Variants in DMXL2 observed in about 807,000 individuals in gnomAD.
DMXL2 encodes the protein dmX-like protein 2.
Under a neutral mutation model 331.1 loss-of-function variants are expected in DMXL2, and 103 were observed. The observed-to-expected ratio is 0.31, with a 90% confidence interval of 0.27 to 0.37. DMXL2 has a LOEUF of 0.37. DMXL2 is among the 10% of genes least tolerant of loss of function. DMXL2 has a pLI of 1.00. For missense variants in DMXL2, 3,171 were observed against 3,642.9 expected, an observed-to-expected ratio of 0.87 and a Z score of 3.33; for synonymous variants, 1,281 against 1,252.1, an observed-to-expected ratio of 1.02 and a Z score of -0.49.
chr15:51,521,981 CCTAT>C (rs939368279), intron 13 of DMXL2, among the ~76,000 whole-genome samples: 1 of 152,100 alleles, frequency 6.6e-6, no homozygotes, highest in Non-Finnish European at 1.5e-5. Context: ...ACTATACCAC[CCTAT>C]CTTTCATCAT....
intron 29 of DMXL2, among the ~76,000 whole-genome samples, chr15:51,468,963 G>A (rs184448957): frequency 6.6e-6 from 1 of 151,718 alleles, no homozygotes; most frequent in African/African-American, 2.4e-5. Flanking sequence ...TAAAAAAAGA[G>A]AGAGAGAGAG....
At chr15:51,562,596 T>C (rs577244722) in intron 6 of DMXL2, among the ~76,000 whole-genome samples, 16 of 152,182 alleles carry the variant, frequency 1.1e-4, no homozygotes, top group African/African-American at 3.4e-4. Context: ...ACCTCCTATG[T>C]GGGATTATAC....
At chr15:51,526,673 G>T (rs1326543442) in intron 13 of DMXL2, among the ~76,000 whole-genome samples, 1 of 152,140 alleles carries the variant, frequency 6.6e-6, no homozygotes, top group African/African-American at 2.4e-5. Flanking sequence ...AACAAATTCA[G>T]AATTCTATCA....
Position 51,456,372 on chromosome 15 carries a change from T to G in DMXL2, c.8338-3A>C. 6.4e-7 allele frequency: 1 copy of G among 1,567,790 alleles called. No individual in the cohort carries two copies. The highest frequency in any genetic ancestry group is 1.2e-5 in the South Asian group (1 of 84,606). On this transcript the variant is annotated splice_polypyrimidine_tract_variant and splice_region_variant and intron_variant, in intron 37 of 43. Transcript: ENST00000560891. ...TTATGTAGATTCCTTTTCATAAGCT[T>G]TAAAAGAAAATTTTAAAAATTTTAT... is the stretch of plus-strand genomic sequence containing the variant.
At chr15:51,517,341 A>T (rs1176838506) in intron 13 of DMXL2, among the ~76,000 whole-genome samples, 174 bp from the exon 14 acceptor site, 3 of 152,228 alleles carry the variant, frequency 2.0e-5, no homozygotes, top group Non-Finnish European at 4.4e-5. Context: ...GTTAAGTCTA[A>T]AGTTAAGCAG....
rs1249285219 is a variant in DMXL2, at chr15:51,449,003, C to A, written c.9158G>T (p.Arg3053Ile). ...CAATCTTTATAGAATGTCAAGAATTCTGTTAGGGATGTTAAAAGCATTGGG... is the reference window on the plus strand; with the variant it reads ...CAATCTTTATAGAATGTCAAGAATTATGTTAGGGATGTTAAAAGCATTGGG... ...VLPNAFNIPN[R>I]ILDIL Residue 3053 changes from arginine to isoleucine, a missense_variant, in exon 44 of 44, where the codon AGA becomes ATA. Arg to Ile is a moderately conservative substitution (Grantham distance 97). This residue lies in a region of DMXL2 where 766 missense variants were observed against 940.5 expected (regional missense o/e 0.81). Transcript: ENST00000560891. 6.2e-7 allele frequency: 1 copy of A among 1,614,034 alleles called. No individual in the cohort carries two copies.
chr15:51,510,606 C>T (rs772275973), intron 15 of DMXL2, among the ~76,000 whole-genome samples: 9 of 152,104 alleles, frequency 5.9e-5, no homozygotes, highest in East Asian at 3.9e-4. Context: ...TTGTGAAAAT[C>T]GCCATACTGC....
chr15:51,487,633 T>G (rs1009521423), intron 22 of DMXL2, among the ~76,000 whole-genome samples: 1 of 152,098 alleles, frequency 6.6e-6, no homozygotes. Flanking sequence ...AATTTTTGTA[T>G]TTTTAGTAGA....
chr15:51,462,042 C>T (rs2040173792), intron 33 of DMXL2, among the ~76,000 whole-genome samples: 1 of 152,098 alleles, frequency 6.6e-6, no homozygotes, highest in Admixed American at 6.5e-5. Context: ...ATAACTAGGA[C>T]TCAAAAGGTC....
chr15:51,535,548 C>T, intron 13 of DMXL2, 115 bp downstream of exon 13: 1 of 945,498 alleles, frequency 1.1e-6, no homozygotes, highest in Non-Finnish European at 1.5e-6. Context: ...TCATATGCAG[C>T]CCAGAACATA....
rs556277000 is a variant in DMXL2 at position 51,574,762 on chromosome 15, T to C, written c.213+1294A>G. ...TTACATTAAACCATCTCAAGAAAAG[T>C]AGAAACACAAGTTGCTCTGTTTCCC... On this transcript the variant is annotated intron_variant, in intron 2 of 43. Transcript: ENST00000560891. Among the ~76,000 whole-genome samples the C allele has an allele frequency of 5.2e-4, 79 of 152,330 alleles. 1 individual carries two copies. Among genetic ancestry groups the C allele is most frequent in the Middle Eastern group, 3.4e-3 (1 of 294 alleles).
intron 6 of DMXL2, among the ~76,000 whole-genome samples, chr15:51,560,580 G>C (rs1215497259): frequency 6.9e-6 from 1 of 145,970 alleles, no homozygotes; most frequent in Non-Finnish European, 1.5e-5. Context: ...GAGGCAGGAG[G>C]ACTGCCTAAG....
At chr15:51,586,570 T>TA (rs1249166381) in intron 1 of DMXL2, among the ~76,000 whole-genome samples, 1 of 135,512 alleles carries the variant, frequency 7.4e-6, no homozygotes, top group Non-Finnish European at 1.6e-5. Context: ...TTAAAAAGAG[T>TA]AATTTAATGT....
rs767994622 is a variant in DMXL2 at position 51,547,372 on chromosome 15, C to G, written c.604G>C (p.Gly202Arg). 1.2e-6 allele frequency: 2 copies of G among 1,608,408 alleles called. No homozygotes were observed. Among genetic ancestry groups the G allele is most frequent in the South Asian group, 2.2e-5 (2 of 89,986 alleles). ...CLLKVWYPMT[G>R]WKSSIIPQDH... ...TGAGGTATAATTGAAGACTTCCAAC[C>G]AGTCATAGGATACCACACTTTCAAA... The change falls in exon 7 of 44, where the codon GGT becomes CGT. Residue 202 changes from glycine to arginine, a missense_variant. Gly to Arg is a moderately radical substitution (Grantham distance 125). Coordinates refer to ENST00000560891, the MANE Select transcript of DMXL2 (RefSeq NM_001378457.1).
At chr15:51,554,354 G>A (rs1361758810) in intron 6 of DMXL2, among the ~76,000 whole-genome samples, 1 of 152,182 alleles carries the variant, frequency 6.6e-6, no homozygotes, top group Admixed American at 6.5e-5. Flanking sequence ...CAAATTTTAG[G>A]AGTAATGGGG....
rs1377156065 is a variant in DMXL2, at chr15:51,458,743, T to G, written c.8042A>C (p.Glu2681Ala). ...PGGKAKVIHKESDMIMAFSVN... is the reference protein window; with the variant it reads ...PGGKAKVIHKASDMIMAFSVN... ...AGAAAATGCCATGATCATATCAGAT[T>G]CCTTATGGATGACTTTCGCCTTTCC... Residue 2681 changes from glutamate to alanine, a missense_variant, in exon 35 of 44, where the codon GAA becomes GCA. This residue lies in a region of DMXL2 where 766 missense variants were observed against 940.5 expected (regional missense o/e 0.81). Coordinates refer to ENST00000560891, the MANE Select transcript of DMXL2 (RefSeq NM_001378457.1). 6.2e-7 allele frequency: 1 copy of G among 1,613,960 alleles called. No homozygotes were observed. The highest frequency in any genetic ancestry group is 8.5e-7 in the Non-Finnish European group (1 of 1,179,954).
chr15:51,528,169 AAAG>A (rs1486389626), intron 13 of DMXL2, among the ~76,000 whole-genome samples: 4 of 152,196 alleles, frequency 2.6e-5, no homozygotes, highest in Non-Finnish European at 4.4e-5. Context: ...GGAAGGAAAT[AAAG>A]AAGGAAGACC....
chr15:51,506,946 G>A (rs945808372), intron 16 of DMXL2, among the ~76,000 whole-genome samples, 188 bp downstream of exon 16: 1 of 151,982 alleles, frequency 6.6e-6, no homozygotes, highest in African/African-American at 2.4e-5. Flanking sequence ...CCCTTAGGCT[G>A]GTTTTTAGAA....
At chr15:51,505,000 C>G (rs1430407430) in intron 16 of DMXL2, among the ~76,000 whole-genome samples, 27 of 152,198 alleles carry the variant, frequency 1.8e-4, no homozygotes, top group Admixed American at 1.8e-3. Flanking sequence ...TATAATGGGA[C>G]TTGGTCAAGT....
Sources: gnomAD v4.1 joint callset for allele counts (sites outside exome capture counted in the v4.1 genomes callset) on GRCh38, gnomAD v4.1.1 for gene constraint, gnomAD v4.1.1 regional missense constraint, MANE v1.5 for transcripts, NCBI Gene and HGNC (gene_info 2026-07-23, HGNC 2026-07-21) for gene names.